The following EIF4G3 variants were observed in gnomAD, a reference collection of about 807,000 sequenced individuals.
EIF4G3 encodes eIF-4-gamma 3.
A neutral mutation model predicts 186.4 loss-of-function variants in EIF4G3; 34 were observed. The ratio of observed to expected loss-of-function variants is 0.18; its 90% confidence interval spans 0.14 to 0.24. The LOEUF is 0.24. Among genes scored for constraint, EIF4G3 ranks in the 10% least tolerant of loss-of-function variants. The pLI is 1.00. For missense variants in EIF4G3, 1,536 were observed against 1,948.5 expected, an observed-to-expected ratio of 0.79 and a Z score of 3.99; for synonymous variants, 673 against 679.5, an observed-to-expected ratio of 0.99 and a Z score of 0.15.
At chr1:20,809,225 G>T (rs946968018) in intron 36 of EIF4G3, among the ~76,000 whole-genome samples, 4 of 151,912 alleles carry the variant, frequency 2.6e-5, no homozygotes, top group African/African-American at 2.4e-5. Context: ...TGCATGCCTC[G>T]GCCTTTTTTT....
chr1:21,025,242 G>C (rs1365187243), intron 4 of EIF4G3, among the ~76,000 whole-genome samples: 3 of 152,142 alleles, frequency 2.0e-5, no homozygotes, highest in Non-Finnish European at 4.4e-5. Context: ...TAAAAAGACG[G>C]GTCAAGTAAG....
Position 20,950,096 on chromosome 1 carries a change from C to A in EIF4G3, c.730G>T (p.Val244Phe). The A allele has an allele frequency of 6.3e-7, 1 of 1,587,576 alleles. No homozygotes were observed. The highest frequency in any genetic ancestry group is 8.5e-7 in the Non-Finnish European group (1 of 1,171,020). Residue 244 changes from valine to phenylalanine, a missense_variant, in exon 13 of 37, where the codon GTC becomes TTC. This residue lies in a region of EIF4G3 where 560 missense variants were observed against 547.8 expected (regional missense o/e 1.02). Transcript: ENST00000602326. ...TAAACCACAGGGCTGTGCTCGGGGACCTGGCTGGGCAGCTGCTGGGATTTG... is the reference window on the plus strand; with the variant it reads ...TAAACCACAGGGCTGTGCTCGGGGAACTGGCTGGGCAGCTGCTGGGATTTG... Reference protein sequence around the residue: ...PTPPQQLPSQVPEHSPVVYGT... With the variant: ...PTPPQQLPSQFPEHSPVVYGT...
intron 34 of EIF4G3, among the ~76,000 whole-genome samples, chr1:20,815,591 C>A (rs1268852601): frequency 3.3e-5 from 5 of 151,974 alleles, no homozygotes; most frequent in African/African-American, 1.2e-4. Context: ...CCGGCAGCCA[C>A]CCCGTCTGGG....
intron 4 of EIF4G3, among the ~76,000 whole-genome samples, chr1:21,045,994 A>C (rs1311828128): frequency 6.6e-6 from 1 of 152,178 alleles, no homozygotes; most frequent in Non-Finnish European, 1.5e-5. Flanking sequence ...AGGAACTTCC[A>C]TAGGTTAAAT....
At chr1:20,833,403 C>T (rs2065860751) in intron 30 of EIF4G3, among the ~76,000 whole-genome samples, 1 of 152,106 alleles carries the variant, frequency 6.6e-6, no homozygotes. Context: ...CATGATTTGG[C>T]TCTCTGTCTG....
chr1:21,131,345 A>T (rs72654846), intron 2 of EIF4G3, among the ~76,000 whole-genome samples: 1 of 151,470 alleles, frequency 6.6e-6, no homozygotes, highest in Non-Finnish European at 1.5e-5. Flanking sequence ...AGGTTCCACT[A>T]ATGTGGGAAA....
chr1:21,071,800 C>T (rs893695553), intron 3 of EIF4G3, among the ~76,000 whole-genome samples: 4 of 143,608 alleles, frequency 2.8e-5, no homozygotes, highest in Admixed American at 1.5e-4. Flanking sequence ...AGCGAGGCTC[C>T]GTCTCAAAAA....
At chr1:21,024,345 G>A (rs1409124671) in intron 4 of EIF4G3, among the ~76,000 whole-genome samples, 1 of 152,100 alleles carries the variant, frequency 6.6e-6, no homozygotes, top group Non-Finnish European at 1.5e-5. Context: ...GAGGGAGGTG[G>A]GGGGGTCAGC....
At chr1:21,112,481 T>G (rs2096742676) in intron 2 of EIF4G3, among the ~76,000 whole-genome samples, 1 of 152,134 alleles carries the variant, frequency 6.6e-6, no homozygotes, top group Non-Finnish European at 1.5e-5. Context: ...TTTACATCAT[T>G]TATAATTTAC....
chr1:20,841,165 T>G, intron 29 of EIF4G3, 137 bp from the exon 30 acceptor site: 1 of 787,224 alleles, frequency 1.3e-6, no homozygotes, highest in South Asian at 2.2e-5. Flanking sequence ...AATATAAGTT[T>G]ATATTTGTTT....
intron 14 of EIF4G3, among the ~76,000 whole-genome samples, chr1:20,910,100 T>C (rs755326276): frequency 6.6e-5 from 10 of 152,104 alleles, no homozygotes; most frequent in African/African-American, 9.7e-5. Flanking sequence ...CTGCTAAATT[T>C]TGATTAAGTG....
intron 6 of EIF4G3, chr1:20,999,585 A>G (rs1306055405): frequency 6.1e-6 from 2 of 326,560 alleles, no homozygotes; most frequent in Non-Finnish European, 1.2e-5. Flanking sequence ...CAGTCAAAAG[A>G]GAATTTTCTA....
intron 2 of EIF4G3, among the ~76,000 whole-genome samples, chr1:21,167,134 A>G (rs1457003182): frequency 2.6e-5 from 4 of 152,154 alleles, no homozygotes; most frequent in African/African-American, 9.7e-5. Flanking sequence ...AGGACCTAGA[A>G]AAAAGGTCAG....
At chr1:21,136,809 T>C (rs190663512) in intron 2 of EIF4G3, among the ~76,000 whole-genome samples, 3 of 152,250 alleles carry the variant, frequency 2.0e-5, no homozygotes, top group East Asian at 3.9e-4. Context: ...TATTTACACT[T>C]GAATATATTA....
At chr1:21,011,504 T>C (rs576886320) in intron 4 of EIF4G3, among the ~76,000 whole-genome samples, 1 of 152,316 alleles carries the variant, frequency 6.6e-6, no homozygotes, top group South Asian at 2.1e-4. Flanking sequence ...TCAGATTTCC[T>C]GAGTTTCACT....
intron 4 of EIF4G3, among the ~76,000 whole-genome samples, chr1:21,028,118 A>C (rs543108480): frequency 6.6e-6 from 1 of 152,336 alleles, no homozygotes; most frequent in South Asian, 2.1e-4. Flanking sequence ...GGCTGTTGCC[A>C]GGGTGCAAAG....
chr1:21,084,232 A>T (rs11582595), intron 3 of EIF4G3, among the ~76,000 whole-genome samples: 1,410 of 136,242 alleles, frequency 0.01, 19 homozygotes, highest in African/African-American at 0.035. Flanking sequence ...TGTGTAATTT[A>T]AAAAAAAAAA....
chr1:20,890,258 C>T (rs1374014592), intron 18 of EIF4G3, among the ~76,000 whole-genome samples: 1 of 150,804 alleles, frequency 6.6e-6, no homozygotes, highest in Non-Finnish European at 1.5e-5. Context: ...CAGGCATGAG[C>T]TGTAGAAAAG....
At chr1:20,914,993 C>A (rs2093697614) in intron 14 of EIF4G3, among the ~76,000 whole-genome samples, 1 of 152,206 alleles carries the variant, frequency 6.6e-6, no homozygotes, top group African/African-American at 2.4e-5. Flanking sequence ...TCTACCAATT[C>A]TGTGTTTTCC....
Sources: allele counts gnomAD v4.1 joint callset (sites outside exome capture counted in the v4.1 genomes callset), GRCh38; gene constraint gnomAD v4.1.1; regional missense constraint gnomAD v4.1.1; transcripts MANE v1.5; gene names NCBI Gene and HGNC (gene_info 2026-07-23, HGNC 2026-07-21).